TDRD12: variants seen among roughly 807,000 people sequenced by gnomAD.
TDRD12 encodes the protein tudor domain containing 12.
In TDRD12, 158 loss-of-function variants were observed where a neutral mutation model predicts 133.5. The ratio of observed to expected loss-of-function variants is 1.18; its 90% confidence interval spans 1.04 to 1.35. The LOEUF (loss-of-function observed/expected upper bound fraction) is 1.35, where lower values mean the gene tolerates loss of function less well. TDRD12 is among the 40% of genes most tolerant of loss of function. TDRD12 has a pLI of 0.00. For missense variants in TDRD12, 1,443 were observed against 1,321.3 expected (o/e 1.09, Z -1.43); for synonymous variants, 460 against 477.9 (o/e 0.96, Z 0.49).
rs190228203 is a variant in TDRD12, at chr19:32,791,215, A to G, written c.1287+147A>G. 4.5e-5 allele frequency: 38 copies of G among 851,846 alleles called. No individual in the cohort carries two copies. In the African/African-American group the frequency reaches 6.2e-4, roughly 14 times the overall value. 52.8% of individuals were successfully genotyped at this position (851,846 alleles called of 1,614,324 possible). Reference sequence around the variant, plus strand: ...TTATTTGAGATTACAGGCATGAGCCACCACACTCGGCCTAATTTCTCATTT... The same window carrying G: ...TTATTTGAGATTACAGGCATGAGCCGCCACACTCGGCCTAATTTCTCATTT... On this transcript the variant is annotated intron_variant, in intron 13 of 27. Coordinates refer to ENST00000444215, the Ensembl canonical transcript of TDRD12.
intron 1 of TDRD12, among the ~76,000 whole-genome samples, chr19:32,725,701 CTT>C (rs1437518168): frequency 2.0e-5 from 3 of 152,064 alleles, no homozygotes; most frequent in Non-Finnish European, 4.4e-5. Flanking sequence ...TATATGGACT[CTT>C]TTTTGGTTCC....
At chr19:32,733,757 TTC>T (rs1969132753) in intron 2 of TDRD12, among the ~76,000 whole-genome samples, 1 of 152,174 alleles carries the variant, frequency 6.6e-6, no homozygotes, top group Non-Finnish European at 1.5e-5. Flanking sequence ...ATGTGGGGTT[TTC>T]TCTCATTCCT....
intron 13 of TDRD12, among the ~76,000 whole-genome samples, chr19:32,793,741 G>T (rs1971136382): frequency 6.6e-6 from 1 of 151,688 alleles, no homozygotes; most frequent in South Asian, 2.1e-4. Context: ...TTAAGTTCCT[G>T]TCAATGGGCC....
At chr19:32,781,969 T>C (rs1568474949) in intron 11 of TDRD12, among the ~76,000 whole-genome samples, 2 of 148,632 alleles carry the variant, frequency 1.3e-5, no homozygotes, top group Non-Finnish European at 3.0e-5. Context: ...AATATATTTT[T>C]CTTTTTTTTT....
chr19:32,723,278 T>C (rs1197904677), intron 1 of TDRD12, among the ~76,000 whole-genome samples: 1 of 151,596 alleles, frequency 6.6e-6, no homozygotes, highest in African/African-American at 2.4e-5. Flanking sequence ...TGAGACGGAG[T>C]CTTGCTCTGT....
chr19:32,793,841 C>G (rs866983886), intron 13 of TDRD12, among the ~76,000 whole-genome samples: 3 of 134,134 alleles, frequency 2.2e-5, no homozygotes, highest in South Asian at 2.3e-4. Flanking sequence ...GTTGCCCAGG[C>G]TGGAGTGCAA....
intron 1 of TDRD12, among the ~76,000 whole-genome samples, chr19:32,729,591 T>A (rs1176212790): frequency 6.6e-6 from 1 of 151,380 alleles, no homozygotes; most frequent in Non-Finnish European, 1.5e-5. Context: ...TATACATGTA[T>A]AAATAGATAC....
chr19:32,744,708 G>C (rs1969549209), intron 4 of TDRD12, among the ~76,000 whole-genome samples: 1 of 152,018 alleles, frequency 6.6e-6, no homozygotes, highest in African/African-American at 2.4e-5. Context: ...CTGCTGTCTT[G>C]AATGAGCACT....
intron 6 of TDRD12, among the ~76,000 whole-genome samples, chr19:32,753,138 AG>A (rs1969886513): frequency 6.6e-6 from 1 of 152,310 alleles, no homozygotes; most frequent in African/African-American, 2.4e-5. Context: ...CTTTTATTGA[AG>A]AATGATATTT....
At chr19:32,825,974 A>C, downstream of TDRD12, 1 of 654,098 alleles carries the variant, frequency 1.5e-6, no homozygotes, top group Non-Finnish European at 2.5e-6. This position sits in a 1 kb window ranked among gnomAD's most constrained non-coding sequence, Gnocchi z 4.1. Flanking sequence ...TACTCAATTT[A>C]CACTTTTATG....
chr19:32,767,008 G>A (rs886395273), intron 8 of TDRD12, among the ~76,000 whole-genome samples: 3 of 151,960 alleles, frequency 2.0e-5, no homozygotes, highest in East Asian at 1.9e-4. Flanking sequence ...GCAGTATTAC[G>A]CACTTCATGG....
At chr19:32,813,567 A>G (rs1967078503) in intron 24 of TDRD12, 117 bp from the exon 25 acceptor site, 7 of 612,308 alleles carry the variant, frequency 1.1e-5, no homozygotes, top group Non-Finnish European at 1.7e-5. Context: ...GTGATCTCAT[A>G]GCATTACTGT....
chr19:32,721,010 C>A (rs1187536652), intron 1 of TDRD12, among the ~76,000 whole-genome samples: 1 of 152,036 alleles, frequency 6.6e-6, no homozygotes, highest in Non-Finnish European at 1.5e-5. Flanking sequence ...GCTCTCCGTA[C>A]TCCACGGGGC....
chr19:32,756,624 A>G (rs144652195), intron 7 of TDRD12, among the ~76,000 whole-genome samples: 1,529 of 152,208 alleles, frequency 0.01, 25 homozygotes, highest in African/African-American at 0.035. Flanking sequence ...TCCTGACCTC[A>G]TGATCCGCCT....
chr19:32,765,795 C>T (rs1025135082), intron 8 of TDRD12, among the ~76,000 whole-genome samples: 6 of 150,908 alleles, frequency 4.0e-5, no homozygotes, highest in African/African-American at 9.8e-5. Context: ...TGTTAAATGA[C>T]AAGTTAATGG....
At chr19:32,815,146 G>C (rs969719018) in intron 25 of TDRD12, among the ~76,000 whole-genome samples, 19 of 109,002 alleles carry the variant, frequency 1.7e-4, no homozygotes, top group African/African-American at 6.0e-4. Context: ...ATCTGACTAG[G>C]GGTTTATCCC....
intron 14 of TDRD12, among the ~76,000 whole-genome samples, chr19:32,797,162 G>T (rs1173977140): frequency 1.3e-5 from 2 of 148,786 alleles, no homozygotes; most frequent in Non-Finnish European, 3.0e-5. Context: ...TGTATTTTTA[G>T]TAGAGATGGG....
At position 32,738,319 on chromosome 19, in the gene TDRD12, T is replaced by C. The variant is rs1413190138; in HGVS notation, c.184-537T>C. Among the ~76,000 whole-genome samples the C allele has an allele frequency of 3.3e-5, 5 of 152,172 alleles. No individual in the cohort carries two copies. The South Asian group carries it at 6.2e-4, about 19-fold the overall frequency. ...GTCCTCAGTTAAGGAGTGGAAACAA[T>C]TGTAGTAAGAAAAACAGTGACCTAG... On this transcript the variant is annotated intron_variant, in intron 2 of 27. Transcript: ENST00000444215.
chr19:32,722,671 T>TA (rs767093430), intron 1 of TDRD12, among the ~76,000 whole-genome samples: 2 of 126,546 alleles, frequency 1.6e-5, no homozygotes, highest in African/African-American at 6.4e-5. Context: ...TTTTATTATT[T>TA]AAAAAAAATT....
Sources: gnomAD v4.1 joint callset for allele counts (sites outside exome capture counted in the v4.1 genomes callset) on GRCh38, gnomAD v4.1.1 for gene constraint, Gnocchi (gnomAD v3.1) non-coding constraint, MANE v1.5 for transcripts, NCBI Gene and HGNC (gene_info 2026-07-23, HGNC 2026-07-21) for gene names.